The following RAD51B variants were observed in gnomAD, a reference collection of about 807,000 sequenced individuals.
RAD51B encodes RAD51 paralog B.
A neutral mutation model predicts 42.2 loss-of-function variants in RAD51B; 38 were observed. That is an observed-to-expected ratio of 0.90 (90% CI 0.70 to 1.18). The LOEUF (loss-of-function observed/expected upper bound fraction) is 1.18, where lower values mean the gene tolerates loss of function less well. Ranked by LOEUF, RAD51B falls within the 50% of genes most tolerant of loss-of-function variation. The probability of loss-of-function intolerance (pLI) is 0.00; values close to 1 mark genes in which losing one functional copy is unlikely to be tolerated. For missense variants in RAD51B, 373 were observed against 400.7 expected, an observed-to-expected ratio of 0.93 and a Z score of 0.59; for synonymous variants, 154 against 145.2, an observed-to-expected ratio of 1.06 and a Z score of -0.43.
intron 7 of RAD51B, among the ~76,000 whole-genome samples, chr14:68,221,050 G>C (rs1384255093): frequency 6.6e-6 from 1 of 152,172 alleles, no homozygotes; most frequent in African/African-American, 2.4e-5. Context: ...AGAATCACTT[G>C]AACCTGGGAG....
At chr14:68,106,354 T>TA (rs2077376805) in intron 7 of RAD51B, among the ~76,000 whole-genome samples, 2 of 151,906 alleles carry the variant, frequency 1.3e-5, no homozygotes, top group South Asian at 4.1e-4. Flanking sequence ...TAAAAAAAAT[T>TA]AGAGTACTTT....
At chr14:68,338,853 T>C in intron 8 of RAD51B, 1 of 615,048 alleles carries the variant, frequency 1.6e-6, no homozygotes, top group South Asian at 1.4e-5. Context: ...TCTGTCGTAG[T>C]TGGTCCTGAT....
At chr14:68,615,507 A>G (rs964523949), downstream of RAD51B, among the ~76,000 whole-genome samples, 4 of 152,004 alleles carry the variant, frequency 2.6e-5, no homozygotes, top group African/African-American at 4.8e-5. Flanking sequence ...CACAACGCCC[A>G]GCTAATTTTT....
intron 8 of RAD51B, among the ~76,000 whole-genome samples, chr14:68,340,893 T>G (rs2082559332): frequency 6.6e-6 from 1 of 152,206 alleles, no homozygotes; most frequent in African/African-American, 2.4e-5. Context: ...CACTCAGAGA[T>G]CTCTAGATGT....
intron 10 of RAD51B, among the ~76,000 whole-genome samples, chr14:68,548,729 C>T (rs1248663963): frequency 2.0e-5 from 3 of 152,150 alleles, no homozygotes; most frequent in African/African-American, 7.2e-5. Flanking sequence ...GCAGGGTGGG[C>T]GTCCTGACAC....
chr14:68,321,125 A>T, intron 8 of RAD51B, among the ~76,000 whole-genome samples: 1 of 152,182 alleles, frequency 6.6e-6, no homozygotes, highest in Non-Finnish European at 1.5e-5. Context: ...TTTTAAAATC[A>T]AGCCTATCCA....
At chr14:67,872,430 A>G (rs1174394879) in intron 5 of RAD51B, among the ~76,000 whole-genome samples, 1 of 141,074 alleles carries the variant, frequency 7.1e-6, no homozygotes, top group Non-Finnish European at 1.5e-5. Context: ...TGCTCAAGGA[A>G]ATAAAAGAGG....
intron 5 of RAD51B, among the ~76,000 whole-genome samples, chr14:67,879,671 C>T (rs568348201): frequency 5.9e-5 from 9 of 152,098 alleles, no homozygotes; most frequent in Non-Finnish European, 8.8e-5. Flanking sequence ...AAAAGAGTGG[C>T]GTTGTTTTAT....
At chr14:67,941,740 T>C (rs1258698158) in intron 7 of RAD51B, among the ~76,000 whole-genome samples, 1 of 152,230 alleles carries the variant, frequency 6.6e-6, no homozygotes, top group African/African-American at 2.4e-5. Flanking sequence ...TCCTTTTGGC[T>C]AGGGGTCTGC....
intron 7 of RAD51B, among the ~76,000 whole-genome samples, chr14:68,117,289 TATCTC>T (rs779122553): frequency 1.1e-4 from 16 of 152,176 alleles, no homozygotes; most frequent in Admixed American, 4.6e-4. Flanking sequence ...ATGTATGAAA[TATCTC>T]AACTTAATAG....
chr14:68,228,717 T>C (rs370294944), intron 7 of RAD51B, among the ~76,000 whole-genome samples: 14 of 152,350 alleles, frequency 9.2e-5, no homozygotes, highest in African/African-American at 2.9e-4. Flanking sequence ...AAATGAGCTG[T>C]GGACACACGT....
intron 10 of RAD51B, among the ~76,000 whole-genome samples, chr14:68,583,196 G>A (rs1298302376): frequency 6.6e-6 from 1 of 152,188 alleles, no homozygotes; most frequent in African/African-American, 2.4e-5. Flanking sequence ...CTCAGCTGGT[G>A]GTGGCAGGTG....
chr14:68,145,889 T>C (rs1165116763), intron 7 of RAD51B, among the ~76,000 whole-genome samples: 1 of 152,228 alleles, frequency 6.6e-6, no homozygotes, highest in Admixed American at 6.5e-5. Flanking sequence ...CTAGAATATA[T>C]AGTCTATGTA....
chr14:67,832,467 T>C (rs1200388472), intron 3 of RAD51B, among the ~76,000 whole-genome samples: 1 of 152,254 alleles, frequency 6.6e-6, no homozygotes, highest in African/African-American at 2.4e-5. Context: ...TTAACTTTTT[T>C]TTTCATTCCA....
intron 7 of RAD51B, among the ~76,000 whole-genome samples, chr14:68,168,928 G>A (rs561078084): frequency 3.3e-5 from 5 of 152,218 alleles, no homozygotes; most frequent in African/African-American, 4.8e-5. Context: ...CATGTTCAGC[G>A]AGTACATTTC....
chr14:68,344,699 G>A (rs562140952), intron 8 of RAD51B, among the ~76,000 whole-genome samples: 3 of 151,846 alleles, frequency 2.0e-5, no homozygotes, highest in African/African-American at 4.8e-5. Flanking sequence ...TGTAATCCCA[G>A]CACTTTAGGA....
At chr14:68,536,769 A>T (rs529218082) in intron 10 of RAD51B, among the ~76,000 whole-genome samples, 9 of 151,664 alleles carry the variant, frequency 5.9e-5, no homozygotes, top group Non-Finnish European at 1.2e-4. Context: ...TGCTTTTCCT[A>T]TTGGTTTTCT....
chr14:67,939,631 G>C (rs979256429), intron 7 of RAD51B, among the ~76,000 whole-genome samples: 3 of 152,040 alleles, frequency 2.0e-5, no homozygotes, highest in Non-Finnish European at 4.4e-5. Context: ...CCATAGATTA[G>C]GTAGCTCAAA....
chr14:67,873,659 T>G (rs911058775), intron 5 of RAD51B, among the ~76,000 whole-genome samples: 1 of 151,212 alleles, frequency 6.6e-6, no homozygotes, highest in Non-Finnish European at 1.5e-5. Flanking sequence ...TGTGGCATTA[T>G]TCACAATAGC....
Sources: allele counts gnomAD v4.1 joint callset (sites outside exome capture counted in the v4.1 genomes callset), GRCh38; gene constraint gnomAD v4.1.1; transcripts MANE v1.5; gene names NCBI Gene and HGNC (gene_info 2026-07-23, HGNC 2026-07-21).